Variants in MYO16 observed in about 807,000 individuals in gnomAD.
MYO16 encodes myosin XVI.
In MYO16, 94 loss-of-function variants were observed where a neutral mutation model predicts 205.3. That is an observed-to-expected ratio of 0.46 (90% confidence interval 0.39 to 0.54). MYO16 has a LOEUF of 0.54. Among genes scored for constraint, MYO16 ranks in the 20% least tolerant of loss-of-function variants. MYO16 has a pLI of 0.00. For synonymous variants in MYO16, 988 were observed against 954.0 expected, an observed-to-expected ratio of 1.04 and a Z score of -0.66; for missense variants, 2,315 against 2,387.5, an observed-to-expected ratio of 0.97 and a Z score of 0.63.
chr13:109,075,386 T>C (rs368330024), intron 27 of MYO16, among the ~76,000 whole-genome samples: 4 of 27,120 alleles, frequency 1.5e-4, no homozygotes, highest in South Asian at 1.2e-3. Context: ...ATTTCCTTTT[T>C]TTTTCTTTTT....
chr13:109,157,242 CAAAAAAAAAAAAAAAAA>C (rs56176251), intron 32 of MYO16, among the ~76,000 whole-genome samples: 23 of 108,162 alleles, frequency 2.1e-4, no homozygotes, highest in African/African-American at 4.8e-4. Flanking sequence ...TTAGTATTTA[CAAAAAAAAAAAAAAAAA>C]AAAAAAAAAA....
chr13:108,638,684 C>T (rs1419606803), intron 1 of MYO16, among the ~76,000 whole-genome samples: 3 of 152,098 alleles, frequency 2.0e-5, no homozygotes, highest in Non-Finnish European at 4.4e-5. Flanking sequence ...TTCACTCACG[C>T]CAGACATTCT....
the MYO16 span, among the ~76,000 whole-genome samples, chr13:108,505,985 TA>T: frequency 1.3e-5 from 2 of 152,266 alleles, no homozygotes; most frequent in East Asian, 3.9e-4. Flanking sequence ...CACAAGAATT[TA>T]TTCTGGGCTC....
At chr13:108,626,893 A>G (rs1211401259), upstream of MYO16, among the ~76,000 whole-genome samples, 1 of 146,818 alleles carries the variant, frequency 6.8e-6, no homozygotes, top group African/African-American at 2.5e-5. Context: ...TATTTTATGT[A>G]TATATGTATA....
At chr13:108,878,176 C>A (rs149867634) in intron 12 of MYO16, among the ~76,000 whole-genome samples, 37 of 152,244 alleles carry the variant, frequency 2.4e-4, no homozygotes, top group African/African-American at 7.9e-4. Context: ...AAAGGCCCCA[C>A]CCTCAAGCCT....
chr13:108,626,736 A>G (rs549599452), upstream of MYO16, among the ~76,000 whole-genome samples: 283 of 151,856 alleles, frequency 1.9e-3, 1 homozygote, highest in Middle Eastern at 0.017. Context: ...ACCGGGAGGC[A>G]GAGGGTTGCA....
chr13:108,890,674 A>T (rs1880130705), intron 14 of MYO16, among the ~76,000 whole-genome samples: 1 of 152,216 alleles, frequency 6.6e-6, no homozygotes, highest in Non-Finnish European at 1.5e-5. Flanking sequence ...AACTTCAACT[A>T]GTAAATGGAA....
intron 3 of MYO16, among the ~76,000 whole-genome samples, chr13:108,723,033 C>T (rs548849779): frequency 1.3e-5 from 2 of 152,162 alleles, no homozygotes; most frequent in South Asian, 2.1e-4. Flanking sequence ...TCTTCAGCGA[C>T]CTCACACCAT....
the MYO16 span, among the ~76,000 whole-genome samples, chr13:108,534,209 G>A: frequency 2.0e-5 from 3 of 152,114 alleles, no homozygotes; most frequent in Non-Finnish European, 4.4e-5. Flanking sequence ...TCAGAAGAAA[G>A]CCTTCAAACA....
At position 109,021,924 on chromosome 13, in the gene MYO16, G is replaced by A. The variant is rs553561758; in HGVS notation, c.2796+2013G>A. ...AAACCAAGAGAAATGAAGAAAAGGG[G>A]TCAATAGGAAATGTACCTGGGTGAT... On this transcript the variant is annotated intron_variant, in intron 23 of 34. Coordinates refer to ENST00000457511, the MANE Select transcript of MYO16 (RefSeq NM_001198950.3). 4.0e-5 allele frequency among the ~76,000 whole-genome samples: 6 copies of A among 151,796 alleles called. No homozygotes were observed. In the East Asian group the frequency reaches 9.7e-4, roughly 25 times the overall value.
At chr13:108,977,954 T>C (rs903398543) in intron 20 of MYO16, among the ~76,000 whole-genome samples, 3 of 152,246 alleles carry the variant, frequency 2.0e-5, no homozygotes, top group Admixed American at 6.5e-5. Context: ...TTGATTTTTT[T>C]CTTCCGCAAA....
Position 109,198,741 on chromosome 13 carries a change from T to C in MYO16, c.5416-7868T>C, listed in dbSNP as rs145174444. Among the ~76,000 whole-genome samples, 387 of 152,286 alleles carry C rather than the reference T, an allele frequency of 2.5e-3. 2 individuals are homozygous for C. Among genetic ancestry groups the C allele is most frequent in the African/African-American group, 8.7e-3 (362 of 41,570 alleles). On this transcript the variant is annotated intron_variant, in intron 34 of 34. Transcript: ENST00000457511. ...CACTCACTACTTTTGTGAGGCTTTC[T>C]TTTAAGACACCTGCATATGTGACTC...
At chr13:109,043,797 G>A (rs1225918951) in intron 23 of MYO16, among the ~76,000 whole-genome samples, 1 of 152,168 alleles carries the variant, frequency 6.6e-6, no homozygotes, top group Non-Finnish European at 1.5e-5. Flanking sequence ...ATAACGTGCA[G>A]CAGTGAACAT....
intron 1 of MYO16, among the ~76,000 whole-genome samples, chr13:108,637,144 C>G (rs886929678): frequency 2.6e-5 from 4 of 152,134 alleles, no homozygotes; most frequent in Non-Finnish European, 4.4e-5. Flanking sequence ...CTTGTTCAGC[C>G]TTTATACATT....
At chr13:108,965,511 A>G (rs1166360238) in intron 20 of MYO16, among the ~76,000 whole-genome samples, 1 of 152,134 alleles carries the variant, frequency 6.6e-6, no homozygotes, top group Non-Finnish European at 1.5e-5. Context: ...GGTTCAAGTG[A>G]TTCTCCTACC....
intron 4 of MYO16, among the ~76,000 whole-genome samples, chr13:108,761,300 C>A (rs7337532): frequency 0.55 from 83,674 of 151,786 alleles, 23,273 homozygotes; most frequent in East Asian, 0.63. Flanking sequence ...TGTCTTATGC[C>A]GTCCTAAGAG....
chr13:109,065,992 GT>G (rs1487066127), intron 27 of MYO16, among the ~76,000 whole-genome samples: 1 of 152,196 alleles, frequency 6.6e-6, no homozygotes, highest in Non-Finnish European at 1.5e-5. Flanking sequence ...CGTGAGCTGT[GT>G]TTTTAGATTG....
At chr13:108,810,317 G>A (rs192017200) in intron 7 of MYO16, among the ~76,000 whole-genome samples, 2 of 152,224 alleles carry the variant, frequency 1.3e-5, no homozygotes, top group East Asian at 3.9e-4. Context: ...CACTGTGCTA[G>A]CCCATTGTCC....
In MYO16 at chr13:108,830,415, G is replaced by T. The variant is rs1051195176; in HGVS notation, c.1097+7137G>T. On this transcript the variant is annotated intron_variant, in intron 9 of 34. Transcript: ENST00000457511. ...CAAAATGTGGCACATATACACGATG[G>T]AATACTGTGCAGCCATAAAAAAGGA... Among the ~76,000 whole-genome samples, 28 of 151,358 alleles carry T rather than the reference G, an allele frequency of 1.8e-4. No individual in the cohort carries two copies. The East Asian group carries it at 4.8e-3, about 26-fold the overall frequency.
Sources: allele counts gnomAD v4.1 joint callset (sites outside exome capture counted in the v4.1 genomes callset), GRCh38; gene constraint gnomAD v4.1.1; transcripts MANE v1.5; gene names NCBI Gene and HGNC (gene_info 2026-07-23, HGNC 2026-07-21).